UNC50: variants seen among roughly 807,000 people sequenced by gnomAD.
UNC50 encodes the protein protein unc-50 homolog.
A neutral mutation model predicts 31.5 loss-of-function variants in UNC50; 24 were observed. That is an observed-to-expected ratio of 0.76 (90% CI 0.55 to 1.07). The LOEUF (loss-of-function observed/expected upper bound fraction) is 1.07, where lower values mean the gene tolerates loss of function less well. Among genes scored for constraint, UNC50 ranks in the 50% least tolerant of loss-of-function variants. The pLI is 0.00. For synonymous variants in UNC50, 118 were observed against 114.7 expected, an observed-to-expected ratio of 1.03 and a Z score of -0.18; for missense variants, 245 against 304.2, an observed-to-expected ratio of 0.81 and a Z score of 1.45.
chr2:98,616,573 C>T, intron 5 of UNC50, 40 bp downstream of exon 5: 1 of 1,519,132 alleles, frequency 6.6e-7, no homozygotes, highest in Non-Finnish European at 9.1e-7. Context: ...GAGAACATAG[C>T]AAGAGGGGGA....
intron 3 of UNC50, among the ~76,000 whole-genome samples, chr2:98,613,747 TGA>T (rs1302800018): frequency 6.6e-6 from 1 of 152,228 alleles, no homozygotes; most frequent in African/African-American, 2.4e-5. Context: ...ACATTTCATG[TGA>T]GTCTGTATCA....
intron 5 of UNC50, 99 bp downstream of exon 5, chr2:98,616,632 C>T: frequency 1.2e-6 from 1 of 854,938 alleles, no homozygotes; most frequent in Non-Finnish European, 1.9e-6. Flanking sequence ...CACTTACAGG[C>T]ACTATCCTAA....
At position 98,609,905 on chromosome 2, in the gene UNC50, C is replaced by T; in HGVS notation, c.146C>T (p.Ala49Val). The T allele has an allele frequency of 6.2e-7, 1 of 1,614,174 alleles. No homozygotes were observed. The highest frequency in any genetic ancestry group is 1.3e-5 in the African/African-American group (1 of 75,036). The change falls in exon 2 of 6, where the codon GCT becomes GTT. Residue 49 changes from alanine (A) to valine (V), a missense_variant. Coordinates refer to ENST00000357765, the MANE Select transcript of UNC50 (RefSeq NM_014044.7). ...TTTCGGCAAATGGACTTTGAATTTG[C>T]TGCCTGGCAGATGCTCTACCTGTTC... ...FRFRQMDFEF[A>V]AWQMLYLFTS...
chr2:98,614,463 A>C (rs1380410032), intron 3 of UNC50, among the ~76,000 whole-genome samples: 1 of 152,140 alleles, frequency 6.6e-6, no homozygotes. Context: ...CTGAAGAGTG[A>C]AAAGAAGGTC....
At chr2:98,616,076 A>G (rs1168335098) in intron 3 of UNC50, 131 bp from the exon 4 acceptor site, 5 of 793,928 alleles carry the variant, frequency 6.3e-6, no homozygotes, top group Non-Finnish European at 9.8e-6. Flanking sequence ...CCTAGATGGA[A>G]GGCAGGGATT....
At chr2:98,618,130 T>A (rs772078925) in intron 5 of UNC50, 38 bp from the exon 6 acceptor site, 80 of 1,478,326 alleles carry the variant, frequency 5.4e-5, no homozygotes, top group African/African-American at 2.3e-4. Context: ...TTTATTTTTT[T>A]TTTTTTTTAA....
chr2:98,611,151 A>C (rs1048806451), intron 3 of UNC50, among the ~76,000 whole-genome samples: 3 of 152,244 alleles, frequency 2.0e-5, no homozygotes, highest in African/African-American at 7.2e-5. Context: ...AATATCTGAG[A>C]TCGGTCTCAA....
intron 2 of UNC50, 34 bp downstream of exon 2, chr2:98,610,073 TGA>T: frequency 6.4e-7 from 1 of 1,562,378 alleles, no homozygotes; most frequent in Non-Finnish European, 8.7e-7. Context: ...AATTGAACGC[TGA>T]GTGTTTCTGA....
At position 98,610,756 on chromosome 2, in the gene UNC50, T is replaced by G. The variant is rs1700812847; in HGVS notation, c.281-19T>G. 1.2e-6 allele frequency: 2 copies of G among 1,612,940 alleles called. No homozygotes were observed. The highest frequency in any genetic ancestry group is 1.7e-6 in the Non-Finnish European group (2 of 1,179,570). ...ACCTAGCAGAGTCCCTAAATGAATC[T>G]TGTGAATCTTTCTTTCAGTGTCCAC... On this transcript the variant is annotated intron_variant, in intron 2 of 5. Transcript: ENST00000357765.
intron 3 of UNC50, among the ~76,000 whole-genome samples, chr2:98,613,974 T>C (rs1200039583): frequency 6.6e-6 from 1 of 152,116 alleles, no homozygotes; most frequent in African/African-American, 2.4e-5. Context: ...GCACACTAGG[T>C]CTGGGAGCAT....
At position 98,616,439 on chromosome 2, in the gene UNC50, C is replaced by T. The variant is rs766115913; in HGVS notation, c.549C>T (p.Ile183=). Residue 183 remains isoleucine (I), a synonymous_variant, in exon 5 of 6, where the codon ATC becomes ATT. Transcript: ENST00000357765. ...FIQLFFINHV[I]LTDTFIGYLV... is the part of the protein sequence containing the mutation. ...CTGCGTCTCTTCTGGCAGATGTTAT[C>T]CTGACAGACACATTTATTGGATATT... 2 of 1,613,958 alleles carry T rather than the reference C, an allele frequency of 1.2e-6. No homozygotes were observed. The highest frequency in any genetic ancestry group is 1.7e-6 in the Non-Finnish European group (2 of 1,179,916).
At chr2:98,609,195 C>G (rs1050008100) in intron 1 of UNC50, 1 of 154,944 alleles carries the variant, frequency 6.5e-6, no homozygotes, top group Non-Finnish European at 1.4e-5. Context: ...GACTCCGACG[C>G]TACCGCTCCC....
rs1213854587 is a variant in UNC50 at position 98,616,535 on chromosome 2, T to C, written c.643+2T>C. On this transcript the variant is annotated splice_donor_variant, in intron 5 of 5. Transcript: ENST00000357765. LOFTEE classifies it high-confidence loss of function. ...ATGTAACTTTCCTGGGATACAGTGG[T>C]AAGTAATTTTTTTAAATGTTTTTGG... is the stretch of plus-strand genomic sequence containing the variant. 6.2e-7 allele frequency: 1 copy of C among 1,609,558 alleles called. No homozygotes were observed. The highest frequency in any genetic ancestry group is 8.5e-7 in the Non-Finnish European group (1 of 1,176,826).
In UNC50 at chr2:98,609,524, T is replaced by G. The variant is rs565573353; in HGVS notation, c.-4-232T>G. 3.4e-4 allele frequency: 210 copies of G among 614,572 alleles called. 2 individuals are homozygous for G. The South Asian group carries it at 3.7e-3, about 11-fold the overall frequency. 38.1% of individuals were successfully genotyped at this position (614,572 alleles called of 1,614,324 possible). The stretch of plus-strand genomic sequence containing the variant: ...GTAGCTGCCCCTGGATAAGTGTTAT[T>G]AGGTGATTCAGAAGGGTGGGCTGTT... On this transcript the variant is annotated intron_variant, in intron 1 of 5. Transcript: ENST00000357765.
intron 3 of UNC50, among the ~76,000 whole-genome samples, chr2:98,611,728 G>A (rs1700832031): frequency 6.6e-6 from 1 of 152,102 alleles, no homozygotes; most frequent in African/African-American, 2.4e-5. Context: ...GATTTAGCCA[G>A]TTCTGCTTAA....
At chr2:98,610,164 C>CA (rs1700801870) in intron 2 of UNC50, 125 bp downstream of exon 2, 1 of 1,047,192 alleles carries the variant, frequency 9.5e-7, no homozygotes, top group Non-Finnish European at 1.4e-6. Context: ...ACTGAAGCCT[C>CA]AAAAAATCTC....
At chr2:98,617,074 C>T (rs1700935855) in intron 5 of UNC50, among the ~76,000 whole-genome samples, 1 of 152,196 alleles carries the variant, frequency 6.6e-6, no homozygotes, top group South Asian at 2.1e-4. Context: ...TTATTGTCCT[C>T]AGGACATGTT....
intron 3 of UNC50, among the ~76,000 whole-genome samples, chr2:98,613,499 C>T (rs1321636951): frequency 6.6e-6 from 1 of 152,222 alleles, no homozygotes; most frequent in African/African-American, 2.4e-5. Context: ...CAGGCACCTT[C>T]CTCACAGGGT....
At chr2:98,613,238 G>A (rs1300807067) in intron 3 of UNC50, among the ~76,000 whole-genome samples, 1 of 152,170 alleles carries the variant, frequency 6.6e-6, no homozygotes, top group Non-Finnish European at 1.5e-5. Context: ...AGAAATTCAT[G>A]AAAAACAAAT....
Sources: gnomAD v4.1 joint callset for allele counts (sites outside exome capture counted in the v4.1 genomes callset) on GRCh38, gnomAD v4.1.1 for gene constraint, MANE v1.5 for transcripts, NCBI Gene and HGNC (gene_info 2026-07-23, HGNC 2026-07-21) for gene names.